MEIS1: variants seen among roughly 807,000 people sequenced by gnomAD.
The protein encoded by MEIS1 is homeobox protein Meis1.
A neutral mutation model predicts 50.8 loss-of-function variants in MEIS1; 5 were observed. The observed-to-expected ratio is 0.10, with a 90% CI of 0.05 to 0.21. The LOEUF (loss-of-function observed/expected upper bound fraction) is 0.21. Ranked by LOEUF, MEIS1 falls within the 10% of genes least tolerant of loss-of-function variation. The probability of loss-of-function intolerance (pLI) is 1.00; values close to 1 mark genes in which losing one functional copy is unlikely to be tolerated. For synonymous variants in MEIS1, 176 were observed against 179.3 expected (o/e 0.98, Z 0.15); for missense variants, 318 against 517.3 (o/e 0.61, Z 3.74).
At chr2:66,512,532 T>C (rs1007748828) in intron 8 of MEIS1, among the ~76,000 whole-genome samples, 1 of 152,210 alleles carries the variant, frequency 6.6e-6, no homozygotes, top group African/African-American at 2.4e-5. Flanking sequence ...AAGATTTAGG[T>C]GTTCATGTGC....
intron 8 of MEIS1, among the ~76,000 whole-genome samples, chr2:66,514,204 A>G (rs897902574): frequency 1.3e-5 from 2 of 152,208 alleles, no homozygotes; most frequent in Non-Finnish European, 2.9e-5. Flanking sequence ...TGAATAAAAT[A>G]TAATCAAATA....
chr2:66,437,572 C>T (rs1671828624), intron 1 of MEIS1, 165 bp from the exon 2 acceptor site: 2 of 641,362 alleles, frequency 3.1e-6, no homozygotes, highest in African/African-American at 1.8e-5. Flanking sequence ...TTACTTAAAG[C>T]TTTAATTTTA....
intron 8 of MEIS1, among the ~76,000 whole-genome samples, chr2:66,532,139 C>T (rs1375686541): frequency 6.6e-6 from 1 of 152,002 alleles, no homozygotes; most frequent in African/African-American, 2.4e-5. Flanking sequence ...TCCTGATTCA[C>T]CATAGATAGT....
intron 6 of MEIS1, among the ~76,000 whole-genome samples, chr2:66,451,386 G>A (rs977575949): frequency 1.3e-5 from 2 of 151,998 alleles, no homozygotes; most frequent in African/African-American, 4.8e-5. Context: ...ATGAAACTCT[G>A]GAAAATGAAG....
intron 7 of MEIS1, among the ~76,000 whole-genome samples, chr2:66,494,141 A>G (rs1673339644): frequency 6.6e-6 from 1 of 152,194 alleles, no homozygotes; most frequent in African/African-American, 2.4e-5. Flanking sequence ...CATGATCTCA[A>G]AGTTGTTCTC....
intron 8 of MEIS1, among the ~76,000 whole-genome samples, chr2:66,515,404 C>A (rs1347605390): frequency 1.3e-5 from 2 of 152,002 alleles, no homozygotes; most frequent in African/African-American, 4.8e-5. Context: ...GAATTAAAAA[C>A]CAAAACAAAA....
At chr2:66,511,859 T>C (rs187012067) in intron 7 of MEIS1, among the ~76,000 whole-genome samples, 1,568 of 152,268 alleles carry the variant, frequency 0.01, 19 homozygotes, top group Non-Finnish European at 0.012. Flanking sequence ...CTATACATAT[T>C]GGAATAATTA....
At chr2:66,452,096 C>T (rs1204697852) in intron 6 of MEIS1, among the ~76,000 whole-genome samples, 1 of 151,810 alleles carries the variant, frequency 6.6e-6, no homozygotes, top group African/African-American at 2.4e-5. Context: ...GAAACTTTAG[C>T]AGTACAATTA....
At chr2:66,532,444 C>T (rs1011318830) in intron 8 of MEIS1, among the ~76,000 whole-genome samples, 6 of 151,976 alleles carry the variant, frequency 3.9e-5, no homozygotes, top group Admixed American at 6.6e-5. Flanking sequence ...AATCACAAGG[C>T]CCTCTGACAC....
intron 7 of MEIS1, among the ~76,000 whole-genome samples, chr2:66,480,361 T>C (rs1188220675): frequency 1.3e-5 from 2 of 152,194 alleles, no homozygotes; most frequent in Admixed American, 6.5e-5. Flanking sequence ...ACCTCTGGGA[T>C]ACTAGTGACT....
chr2:66,553,115 G>A (rs1674963283), intron 9 of MEIS1, among the ~76,000 whole-genome samples: 1 of 152,190 alleles, frequency 6.6e-6, no homozygotes, highest in Non-Finnish European at 1.5e-5. Context: ...CAAAATTAAA[G>A]TGTGGGCTGT....
chr2:66,472,949 A>T (rs1672796823), intron 7 of MEIS1, among the ~76,000 whole-genome samples: 1 of 152,196 alleles, frequency 6.6e-6, no homozygotes, highest in African/African-American at 2.4e-5. Flanking sequence ...CCCCTTTGGC[A>T]GTCTGGTGAA....
At chr2:66,531,972 A>G (rs1488247565) in intron 8 of MEIS1, among the ~76,000 whole-genome samples, 1 of 151,888 alleles carries the variant, frequency 6.6e-6, no homozygotes, top group Non-Finnish European at 1.5e-5. Context: ...GGTTTGCATC[A>G]TCTAACCAGA....
intron 8 of MEIS1, among the ~76,000 whole-genome samples, chr2:66,517,534 C>T (rs1324121597): frequency 6.6e-6 from 1 of 152,188 alleles, no homozygotes; most frequent in Non-Finnish European, 1.5e-5. Context: ...TTCACCTTCA[C>T]CTCTGACCAA....
At chr2:66,462,967 A>G (rs544729484) in intron 6 of MEIS1, among the ~76,000 whole-genome samples, 30 of 152,180 alleles carry the variant, frequency 2.0e-4, no homozygotes, top group African/African-American at 6.3e-4. Context: ...CCTATACAGC[A>G]TGCCTCTTAG....
intron 7 of MEIS1, among the ~76,000 whole-genome samples, chr2:66,480,570 A>G (rs1439342960): frequency 6.6e-6 from 1 of 152,230 alleles, no homozygotes; most frequent in Non-Finnish European, 1.5e-5. Context: ...TGGTAAAAAG[A>G]TTTGATCTTT....
chr2:66,475,441 T>TA (rs1458766890), intron 7 of MEIS1, among the ~76,000 whole-genome samples: 3 of 151,012 alleles, frequency 2.0e-5, no homozygotes, highest in Non-Finnish European at 4.4e-5. Flanking sequence ...TACAATAGGA[T>TA]AAAAAATGTG....
chr2:66,566,837 A>G (rs565570554), intron 9 of MEIS1, among the ~76,000 whole-genome samples: 26 of 151,670 alleles, frequency 1.7e-4, no homozygotes, highest in African/African-American at 5.8e-4. Context: ...ACAACAACAA[A>G]AAAAGCCACC....
At chr2:66,483,193 C>A (rs1269772530) in intron 7 of MEIS1, among the ~76,000 whole-genome samples, 1 of 150,368 alleles carries the variant, frequency 6.7e-6, no homozygotes, top group Non-Finnish European at 1.5e-5. Context: ...GACTGGTGTC[C>A]ATTTCTAAGG....
Sources: allele counts gnomAD v4.1 joint callset (sites outside exome capture counted in the v4.1 genomes callset), GRCh38; gene constraint gnomAD v4.1.1; transcripts MANE v1.5; gene names NCBI Gene and HGNC (gene_info 2026-07-23, HGNC 2026-07-21).